Variants in EPHA3 observed in about 807,000 individuals in gnomAD.
The protein encoded by EPHA3 is ephrin type-A receptor 3.
In EPHA3, 42 loss-of-function variants were observed where a neutral mutation model predicts 107.1. The observed-to-expected ratio is 0.39, with a 90% CI of 0.31 to 0.51. The LOEUF is 0.51. Ranked by LOEUF, EPHA3 falls within the 20% of genes least tolerant of loss-of-function variation. The pLI is 0.78. For missense variants in EPHA3, 1,183 were observed against 1,211.2 expected (o/e 0.98, Z 0.35); for synonymous variants, 461 against 424.8 (o/e 1.09, Z -1.05).
At chr3:89,473,093 G>C (rs543875161) in intron 16 of EPHA3, among the ~76,000 whole-genome samples, 1 of 152,256 alleles carries the variant, frequency 6.6e-6, no homozygotes, top group African/African-American at 2.4e-5. Flanking sequence ...GGTTTTCATA[G>C]TTGCTAAATA....
chr3:89,261,889 C>A (rs975446041), intron 3 of EPHA3, among the ~76,000 whole-genome samples: 1 of 150,962 alleles, frequency 6.6e-6, no homozygotes, highest in Non-Finnish European at 1.5e-5. Flanking sequence ...GAATTTTGCA[C>A]CAACCTAATA....
intron 15 of EPHA3, among the ~76,000 whole-genome samples, chr3:89,450,649 G>A (rs896827935): frequency 3.3e-5 from 5 of 152,142 alleles, no homozygotes; most frequent in East Asian, 3.9e-4. Flanking sequence ...GGAGGGGTGC[G>A]GTGGCTCGTG....
At chr3:89,253,755 T>G (rs1230748793) in intron 3 of EPHA3, among the ~76,000 whole-genome samples, 3 of 152,044 alleles carry the variant, frequency 2.0e-5, no homozygotes, top group Non-Finnish European at 4.4e-5. Context: ...AGCTCAAAAT[T>G]AAGAAAAAAA....
At chr3:89,211,087 G>A (rs543339517) in intron 3 of EPHA3, among the ~76,000 whole-genome samples, 5 of 152,034 alleles carry the variant, frequency 3.3e-5, no homozygotes, top group African/African-American at 4.8e-5. Flanking sequence ...AGTGTTTAAT[G>A]TATACAGGCA....
intron 13 of EPHA3, among the ~76,000 whole-genome samples, chr3:89,445,347 G>C (rs953304395): frequency 6.6e-6 from 1 of 152,098 alleles, no homozygotes; most frequent in Non-Finnish European, 1.5e-5. Flanking sequence ...TCTTCTTTTA[G>C]ACTGAGTTGT....
chr3:89,421,632 T>C (rs1311209219), intron 11 of EPHA3, among the ~76,000 whole-genome samples: 6 of 151,342 alleles, frequency 4.0e-5, no homozygotes, highest in Non-Finnish European at 8.9e-5. Flanking sequence ...CTCTATTATT[T>C]TGTCAGTCAT....
chr3:89,476,461 A>T (rs766485764), intron 16 of EPHA3, among the ~76,000 whole-genome samples: 15 of 148,342 alleles, frequency 1.0e-4, no homozygotes, highest in Non-Finnish European at 1.6e-4. Flanking sequence ...GCACTCAGTA[A>T]CTATGCTTAA....
intron 5 of EPHA3, among the ~76,000 whole-genome samples, chr3:89,349,707 A>T (rs1339822580): frequency 6.9e-6 from 1 of 145,482 alleles, no homozygotes; most frequent in African/African-American, 2.6e-5. Context: ...GTTTCTTCCT[A>T]GTCTCGATGG....
chr3:89,204,487 C>T (rs1328649566), intron 2 of EPHA3, among the ~76,000 whole-genome samples: 2 of 24,386 alleles, frequency 8.2e-5, no homozygotes, highest in East Asian at 3.1e-3. Context: ...ACACCACACA[C>T]ACACACACAC....
intron 2 of EPHA3, among the ~76,000 whole-genome samples, chr3:89,179,816 G>T (rs544736480): frequency 6.6e-6 from 1 of 151,944 alleles, no homozygotes; most frequent in South Asian, 2.1e-4. Context: ...TCCCAGCAGG[G>T]TTTCATTTGT....
intron 5 of EPHA3, among the ~76,000 whole-genome samples, chr3:89,354,687 A>G (rs1316475714): frequency 6.6e-6 from 1 of 151,138 alleles, no homozygotes; most frequent in Non-Finnish European, 1.5e-5. Context: ...ATTATTATTA[A>G]TTGCTGACCT....
intron 2 of EPHA3, among the ~76,000 whole-genome samples, chr3:89,181,690 G>A (rs894764479): frequency 6.6e-6 from 1 of 151,778 alleles, no homozygotes; most frequent in African/African-American, 2.4e-5. Context: ...CCATAATCTG[G>A]GGGTATAGGG....
chr3:89,278,311 GC>G (rs1248985639), intron 3 of EPHA3, among the ~76,000 whole-genome samples: 38 of 152,202 alleles, frequency 2.5e-4, no homozygotes, highest in Non-Finnish European at 3.7e-4. Context: ...GTAGCTAGAA[GC>G]AGGTCTCTGC....
At chr3:89,179,723 C>T (rs1471751535) in intron 2 of EPHA3, among the ~76,000 whole-genome samples, 2 of 151,560 alleles carry the variant, frequency 1.3e-5, no homozygotes, top group Non-Finnish European at 2.9e-5. Flanking sequence ...TTGTCTAGCT[C>T]CTTTTTCGCT....
chr3:89,256,149 G>A (rs1430550186), intron 3 of EPHA3, among the ~76,000 whole-genome samples: 1 of 151,184 alleles, frequency 6.6e-6, no homozygotes, highest in Non-Finnish European at 1.5e-5. Context: ...TACTCGGGAG[G>A]CTGAGGCAGG....
At chr3:89,178,400 C>T (rs1464980326) in intron 2 of EPHA3, among the ~76,000 whole-genome samples, 2 of 152,010 alleles carry the variant, frequency 1.3e-5, no homozygotes, top group African/African-American at 2.4e-5. Flanking sequence ...CGTATAATTA[C>T]ACATACATTA....
At chr3:89,441,453 A>G (rs1709782742) in intron 13 of EPHA3, among the ~76,000 whole-genome samples, 1 of 152,214 alleles carries the variant, frequency 6.6e-6, no homozygotes, top group Non-Finnish European at 1.5e-5. Flanking sequence ...GGATATAGAG[A>G]CCAGTAAAAG....
chr3:89,381,585 C>G (rs148763617), intron 5 of EPHA3, among the ~76,000 whole-genome samples: 3 of 152,014 alleles, frequency 2.0e-5, no homozygotes, highest in African/African-American at 7.2e-5. Flanking sequence ...ACGAGAATCA[C>G]TTGAACCTGG....
chr3:89,153,414 A>T (rs1576188110), intron 2 of EPHA3, among the ~76,000 whole-genome samples: 1 of 152,058 alleles, frequency 6.6e-6, no homozygotes, highest in Admixed American at 6.6e-5. Flanking sequence ...TGAGATATTA[A>T]AAGGAAAAAA....
Sources: allele counts gnomAD v4.1 joint callset (sites outside exome capture counted in the v4.1 genomes callset), GRCh38; gene constraint gnomAD v4.1.1; transcripts MANE v1.5; gene names NCBI Gene and HGNC (gene_info 2026-07-23, HGNC 2026-07-21).